FBXO34: variants seen among roughly 807,000 people sequenced by gnomAD.
FBXO34 encodes F-box protein 34.
In FBXO34, 12 loss-of-function variants were observed where a neutral mutation model predicts 24.5. The observed-to-expected ratio is 0.49, with a 90% CI of 0.31 to 0.79. The LOEUF (loss-of-function observed/expected upper bound fraction) is 0.79, where lower values mean the gene tolerates loss of function less well. Ranked by LOEUF, FBXO34 falls within the 30% of genes least tolerant of loss-of-function variation. The probability of loss-of-function intolerance (pLI) is 0.04; values close to 1 mark genes in which losing one functional copy is unlikely to be tolerated. For missense variants in FBXO34, 823 were observed against 857.7 expected (o/e 0.96, Z 0.51); for synonymous variants, 320 against 311.9 (o/e 1.03, Z -0.27).
the FBXO34 span, among the ~76,000 whole-genome samples, chr14:55,386,546 T>G: frequency 6.6e-6 from 1 of 152,134 alleles, no homozygotes; most frequent in Non-Finnish European, 1.5e-5. Context: ...CAGCAGGTGG[T>G]CATCCAGTAG....
Position 55,272,625 on chromosome 14 carries a change from T to G in FBXO34, c.-11+1088T>G, listed in dbSNP as rs1015615961. ...AGAGTGGATCTTACATGATTTTTTT[T>G]TTCTGTTGTAAAGGGAGGGAGGAGT... is the stretch of plus-strand genomic sequence containing the variant. On this transcript the variant is annotated intron_variant, in intron 1 of 1. Transcript: ENST00000313833. Among the ~76,000 whole-genome samples the G allele has an allele frequency of 6.6e-5, 10 of 151,974 alleles. 1 individual carries two copies. Among genetic ancestry groups the G allele is most frequent in the Admixed American group, 5.9e-4 (9 of 15,254 alleles).
intron 1 of FBXO34, among the ~76,000 whole-genome samples, chr14:55,283,943 T>G (rs1881651423): frequency 3.2e-5 from 3 of 92,648 alleles, no homozygotes; most frequent in African/African-American, 1.8e-4. Flanking sequence ...ATTCTAAGAC[T>G]ATGTGTGTGT....
chr14:55,281,011 A>G (rs1333516997), intron 1 of FBXO34, among the ~76,000 whole-genome samples: 2 of 152,220 alleles, frequency 1.3e-5, no homozygotes, highest in Non-Finnish European at 2.9e-5. Context: ...ATACGTTAAC[A>G]CAATATATCC....
downstream of FBXO34, chr14:55,369,483 TAAAAA>T: frequency 1.1e-6 from 1 of 889,930 alleles, no homozygotes; most frequent in Non-Finnish European, 1.6e-6. Flanking sequence ...TCTCCCTGCT[TAAAAA>T]GACAAAACAA....
At chr14:55,428,704 T>G in the FBXO34 span, 1 of 1,300,942 alleles carries the variant, frequency 7.7e-7, no homozygotes, top group African/African-American at 1.5e-5. Context: ...CCGCCTTTTT[T>G]TTTTTAATCA....
downstream of FBXO34, among the ~76,000 whole-genome samples, chr14:55,363,023 C>CTCTT (rs58355682): frequency 0.11 from 14,039 of 132,204 alleles, 1,027 homozygotes; most frequent in Non-Finnish European, 0.15. Flanking sequence ...TTCTCTCTCT[C>CTCTT]TTTTTTTTTT....
chr14:55,370,593 C>T (rs1319810520), downstream of FBXO34, among the ~76,000 whole-genome samples: 3 of 151,828 alleles, frequency 2.0e-5, no homozygotes, highest in Non-Finnish European at 4.4e-5. Flanking sequence ...TCTTTGCTGG[C>T]ACCTCAGCAC....
At chr14:55,283,958 GTGTGTGTGTGTGTGTGTC>G (rs1881654823) in intron 1 of FBXO34, among the ~76,000 whole-genome samples, 1 of 146,154 alleles carries the variant, frequency 6.8e-6, no homozygotes, top group African/African-American at 2.8e-5. Flanking sequence ...GTGTGTGTGT[GTGTGTGTGTGTGTGTGTC>G]TGTGTGTGTG....
At chr14:55,324,989 A>G (rs1883292780) in intron 1 of FBXO34, among the ~76,000 whole-genome samples, 1 of 152,206 alleles carries the variant, frequency 6.6e-6, no homozygotes, top group Non-Finnish European at 1.5e-5. Context: ...TCTGGGTCTC[A>G]TAAGGGCACT....
the FBXO34 span, chr14:55,424,361 G>C: frequency 1.5e-6 from 1 of 655,952 alleles, no homozygotes. Flanking sequence ...TTGTAAATAA[G>C]TTAGCTATTT....
the FBXO34 span, among the ~76,000 whole-genome samples, chr14:55,377,429 A>T: frequency 1.3e-5 from 2 of 152,132 alleles, no homozygotes; most frequent in Non-Finnish European, 2.9e-5. Flanking sequence ...AACAGGGCAG[A>T]CACTAGGTAG....
intron 1 of FBXO34, among the ~76,000 whole-genome samples, chr14:55,311,789 A>G (rs1433795308): frequency 2.0e-5 from 3 of 151,562 alleles, no homozygotes; most frequent in Non-Finnish European, 4.4e-5. Flanking sequence ...GTGCAGTGGC[A>G]TAATCTCAGC....
rs114655501 is a variant in FBXO34, at chr14:55,302,426, A to C, written c.-11+30889A>C. Among the ~76,000 whole-genome samples, 850 of 148,984 alleles carry C rather than the reference A, an allele frequency of 5.7e-3. 11 individuals carry two copies. The highest frequency in any genetic ancestry group is 0.019 in the African/African-American group (779 of 40,786). ...GAAATTTTTAAATAGCCTTGTTCTC[A>C]TCAAGTGACTCTGTAGCCTCTTTTT... is the stretch of plus-strand genomic sequence containing the variant. On this transcript the variant is annotated intron_variant, in intron 1 of 1. Coordinates refer to ENST00000313833, the MANE Select transcript of FBXO34 (RefSeq NM_017943.4).
At chr14:55,302,489 C>G (rs1445751569) in intron 1 of FBXO34, among the ~76,000 whole-genome samples, 1 of 136,238 alleles carries the variant, frequency 7.3e-6, no homozygotes, top group Non-Finnish European at 1.6e-5. Context: ...CAGGGTCTCA[C>G]TATGTTGCTC....
At position 55,351,400 on chromosome 14, in the gene FBXO34, A is replaced by G. The variant is rs1884366134; in HGVS notation, c.1010A>G (p.Asp337Gly). Reference sequence around the variant, plus strand: ...AAGAAAGGCGTCTTGGAGGCACCTGACACTCAGGTGAATCCTGTGGGGTCT... The same window carrying G: ...AAGAAAGGCGTCTTGGAGGCACCTGGCACTCAGGTGAATCCTGTGGGGTCT... The part of the protein sequence containing the change: ...KTKKGVLEAP[D>G]TQVNPVGSVS... The change falls in exon 2 of 2, where the codon GAC becomes GGC. Residue 337 changes from aspartate (D) to glycine (G), a missense_variant. Coordinates refer to ENST00000313833, the MANE Select transcript of FBXO34 (RefSeq NM_017943.4). 3 of 1,614,020 alleles carry G rather than the reference A, an allele frequency of 1.9e-6. No homozygotes were observed. The highest frequency in any genetic ancestry group is 1.1e-5 in the South Asian group (1 of 91,082).
chr14:55,351,445 C>T lies in FBXO34; in HGVS notation c.1055C>T (p.Pro352Leu). 6.2e-7 allele frequency: 1 copy of T among 1,614,196 alleles called. No individual in the cohort carries two copies. The highest frequency in any genetic ancestry group is 8.5e-7 in the Non-Finnish European group (1 of 1,180,028). ...PVGSVSVDCG[P>L]SRADRCSPKE... Reference sequence around the variant, plus strand: ...GGGTCTGTATCTGTGGATTGTGGCCCTTCAAGAGCTGATCGTTGTTCTCCT... The same window carrying T: ...GGGTCTGTATCTGTGGATTGTGGCCTTTCAAGAGCTGATCGTTGTTCTCCT... The change falls in exon 2 of 2, where the codon CCT (proline) becomes CTT (leucine). Residue 352 changes from proline (P) to leucine (L), a missense_variant. Coordinates refer to ENST00000313833, the MANE Select transcript of FBXO34 (RefSeq NM_017943.4).
At chr14:55,277,612 CT>C (rs1881387233) in intron 1 of FBXO34, among the ~76,000 whole-genome samples, 1 of 152,142 alleles carries the variant, frequency 6.6e-6, no homozygotes, top group East Asian at 1.9e-4. Context: ...GATCCTCAGC[CT>C]TCTGAGTAAC....
chr14:55,316,052 A>C (rs1306819984), intron 1 of FBXO34, among the ~76,000 whole-genome samples: 3 of 150,424 alleles, frequency 2.0e-5, no homozygotes, highest in Non-Finnish European at 4.4e-5. Flanking sequence ...TGAGCTTTTC[A>C]TTTCTACTGA....
At chr14:55,298,315 C>T (rs1439756112) in intron 1 of FBXO34, among the ~76,000 whole-genome samples, 2 of 151,974 alleles carry the variant, frequency 1.3e-5, no homozygotes, top group Non-Finnish European at 2.9e-5. Flanking sequence ...AGATTGGACA[C>T]CCCTGGTGTA....
Sources: gnomAD v4.1 joint callset for allele counts (sites outside exome capture counted in the v4.1 genomes callset) on GRCh38, gnomAD v4.1.1 for gene constraint, MANE v1.5 for transcripts, NCBI Gene and HGNC (gene_info 2026-07-23, HGNC 2026-07-21) for gene names.